The following WNT3 variants were observed in gnomAD, a reference collection of about 807,000 sequenced individuals.
WNT3 encodes the protein Wnt family member 3.
In WNT3, 7 loss-of-function variants were observed where a neutral mutation model predicts 34.2. The ratio of observed to expected loss-of-function variants is 0.20; its 90% CI spans 0.12 to 0.38. The LOEUF is 0.38. WNT3 is among the 10% of genes least tolerant of loss of function. The probability of loss-of-function intolerance (pLI) is 1.00; values close to 1 mark genes in which losing one functional copy is unlikely to be tolerated. For synonymous variants in WNT3, 212 were observed against 211.5 expected (o/e 1.00, Z -0.02); for missense variants, 267 against 499.8 (o/e 0.53, Z 4.44).
Position 46,782,188 on chromosome 17 carries a change from C to T in WNT3, c.81-8279G>A, listed in dbSNP as rs146803513. 8.4e-4 allele frequency among the ~76,000 whole-genome samples: 128 copies of T among 152,288 alleles called. 1 individual carries two copies. The Middle Eastern group carries it at 0.01, about 12-fold the overall frequency. ...CCCTTTGCCCTTACCTTTCTCCATG[C>T]GGAAATCTAACCATCTGTGCCAGCC... On this transcript the variant is annotated intron_variant, in intron 1 of 4. Transcript: ENST00000225512.
At chr17:46,792,014 T>A (rs1033541689) in intron 1 of WNT3, among the ~76,000 whole-genome samples, 1 of 152,254 alleles carries the variant, frequency 6.6e-6, no homozygotes, top group Non-Finnish European at 1.5e-5. Context: ...CACTCCAGCC[T>A]GGGCAACAGA....
In WNT3 at chr17:46,818,643, G is replaced by A. The variant is rs979515174; in HGVS notation, c.-46C>T. ...AAGTTTGCCCGCGACCATGAAGAGGGGGAGCGACGCCCCCAATAGTTGGAA... is the reference window on the plus strand; with the variant it reads ...AAGTTTGCCCGCGACCATGAAGAGGAGGAGCGACGCCCCCAATAGTTGGAA... On this transcript the variant is annotated 5_prime_UTR_variant, in exon 1 of 5. Coordinates refer to ENST00000225512, the MANE Select transcript of WNT3 (RefSeq NM_030753.5). 12 of 1,517,228 alleles carry A rather than the reference G, an allele frequency of 7.9e-6. No individual in the cohort carries two copies. Among genetic ancestry groups the A allele is most frequent in the Non-Finnish European group, 1.1e-5 (12 of 1,111,882 alleles). 94.0% of individuals were successfully genotyped at this position (1,517,228 alleles called of 1,614,324 possible).
intron 1 of WNT3, among the ~76,000 whole-genome samples, chr17:46,799,847 G>A (rs1162483419): frequency 6.6e-6 from 1 of 152,108 alleles, no homozygotes; most frequent in Admixed American, 6.6e-5. Flanking sequence ...AGATTTTTAA[G>A]CAACCACCCA....
chr17:46,782,202 T>C (rs1191004786), intron 1 of WNT3, among the ~76,000 whole-genome samples: 1 of 152,188 alleles, frequency 6.6e-6, no homozygotes, highest in Non-Finnish European at 1.5e-5. Flanking sequence ...AATCTAACCA[T>C]CTGTGCCAGC....
At chr17:46,797,916 C>T (rs1055877914) in intron 1 of WNT3, among the ~76,000 whole-genome samples, 5 of 152,090 alleles carry the variant, frequency 3.3e-5, no homozygotes, top group African/African-American at 1.2e-4. Context: ...GCATTATTAC[C>T]TGGGAAAACC....
intron 1 of WNT3, among the ~76,000 whole-genome samples, chr17:46,793,750 C>A (rs1445409688): frequency 6.6e-6 from 1 of 152,214 alleles, no homozygotes; most frequent in South Asian, 2.1e-4. Flanking sequence ...ACGTTCCCAG[C>A]ACCTTCCAAC....
chr17:46,765,667 G>A (rs998512207), intron 4 of WNT3, among the ~76,000 whole-genome samples: 8 of 152,256 alleles, frequency 5.3e-5, no homozygotes, highest in Admixed American at 4.6e-4. Flanking sequence ...AGTCTCGGCC[G>A]AGCCTGGGCC....
rs1300733626 is a variant in WNT3 at position 46,771,694 on chromosome 17, GGCCGGGCCGCGCCCCCGGCCCCGGC to G, written c.323-1671_323-1647del. ...CCGCGTAGCAACGGGCGGCTCCCGC[GGCCGGGCCGCGCCCCCGGCCCCGGC>G]GCCGGGCCGCGAAATCCCCATTGAA... On this transcript the variant is annotated intron_variant, in intron 2 of 4. Transcript: ENST00000225512. Among the ~76,000 whole-genome samples, 22 of 142,820 alleles carry G rather than the reference GGCCGGGCCGCGCCCCCGGCCCCGGC, an allele frequency of 1.5e-4. No individual in the cohort carries two copies. The East Asian group carries it at 1.9e-3, about 12-fold the overall frequency. The allele number at this position is 142,820 out of a possible 152,430, so 93.7% of individuals were successfully genotyped here.
intron 1 of WNT3, among the ~76,000 whole-genome samples, chr17:46,789,524 C>G (rs149233821): frequency 6.6e-6 from 1 of 152,186 alleles, no homozygotes; most frequent in African/African-American, 2.4e-5. Context: ...CAGGAAGGCC[C>G]CAACCTTCCC....
Position 46,770,133 on chromosome 17 carries a change from G to A in WNT3, c.323-85C>T, listed in dbSNP as rs1304261331. 6 of 1,451,740 alleles carry A rather than the reference G, an allele frequency of 4.1e-6. No individual in the cohort carries two copies. The African/African-American group carries it at 8.5e-5, about 21-fold the overall frequency. 89.9% of individuals were successfully genotyped at this position (1,451,740 alleles called of 1,614,324 possible). On this transcript the variant is annotated intron_variant, in intron 2 of 4. Transcript: ENST00000225512. ...CTCCACCTCCCAGGCCAGGACGTGA[G>A]GGGAACGAGGCCAGGAAGAGTTGAA...
At chr17:46,816,886 C>T (rs915563821) in intron 1 of WNT3, among the ~76,000 whole-genome samples, 2 of 152,198 alleles carry the variant, frequency 1.3e-5, no homozygotes, top group African/African-American at 4.8e-5. Flanking sequence ...TCAGGAATGG[C>T]CGGGTGAGGC....
At position 46,817,318 on chromosome 17, in the gene WNT3, C is replaced by T. The variant is rs114011431; in HGVS notation, c.80+1200G>A. On this transcript the variant is annotated intron_variant, in intron 1 of 4. Coordinates refer to ENST00000225512, the MANE Select transcript of WNT3 (RefSeq NM_030753.5). ...TGGCACTTCTTTCTGACTTTCACCC[C>T]GGGGGCCACAGCCCACTTCTCACTC... Among the ~76,000 whole-genome samples the T allele has an allele frequency of 1.0e-2, 1,523 of 152,312 alleles. 26 individuals are homozygous for T. The highest frequency in any genetic ancestry group is 0.035 in the African/African-American group (1,453 of 41,574).
intron 1 of WNT3, among the ~76,000 whole-genome samples, chr17:46,809,941 G>A (rs1002602180): frequency 5.3e-5 from 8 of 151,862 alleles, no homozygotes; most frequent in South Asian, 4.2e-4. Context: ...GGGGCTCTTA[G>A]GTCCATTCTT....
intron 1 of WNT3, among the ~76,000 whole-genome samples, chr17:46,776,625 C>T (rs1250571693): frequency 6.6e-6 from 1 of 152,188 alleles, no homozygotes; most frequent in East Asian, 1.9e-4. Context: ...GCATCTCCAG[C>T]CCAGCCCTGC....
chr17:46,800,962 G>C (rs2084117287), intron 1 of WNT3, among the ~76,000 whole-genome samples: 1 of 152,232 alleles, frequency 6.6e-6, no homozygotes, highest in Non-Finnish European at 1.5e-5. Context: ...GCACGGAGAA[G>C]TGAGGTGTGC....
intron 1 of WNT3, among the ~76,000 whole-genome samples, chr17:46,787,671 C>T (rs1027685183): frequency 1.1e-4 from 17 of 152,130 alleles, no homozygotes; most frequent in African/African-American, 2.9e-4. Context: ...GATGTAGCCT[C>T]GGCCGGGCGC....
rs1484961045 is a variant in WNT3 at position 46,779,099 on chromosome 17, A to AC, written c.81-5191dup. ...CACACACACACACACACACACACAC[A>AC]CACACCCCAGCCCACTCGGCCTTCC... On this transcript the variant is annotated intron_variant, in intron 1 of 4. Transcript: ENST00000225512. 1.0e-4 allele frequency among the ~76,000 whole-genome samples: 13 copies of AC among 128,644 alleles called. No homozygotes were observed. In the East Asian group the frequency reaches 1.3e-3, roughly 12 times the overall value. 84.4% of individuals were successfully genotyped at this position (128,644 alleles called of 152,430 possible).
At chr17:46,789,960 C>T (rs1411964143) in intron 1 of WNT3, among the ~76,000 whole-genome samples, 1 of 152,196 alleles carries the variant, frequency 6.6e-6, no homozygotes, top group Non-Finnish European at 1.5e-5. Flanking sequence ...CCTCATCCCC[C>T]CACGGCGCTG....
chr17:46,786,703 G>A (rs1778387283), intron 1 of WNT3, among the ~76,000 whole-genome samples: 1 of 152,206 alleles, frequency 6.6e-6, no homozygotes, highest in Admixed American at 6.5e-5. Context: ...GGGGTGCCGT[G>A]CTCTCTGTTA....
Sources: allele counts gnomAD v4.1 joint callset (sites outside exome capture counted in the v4.1 genomes callset), GRCh38; gene constraint gnomAD v4.1.1; transcripts MANE v1.5; gene names NCBI Gene and HGNC (gene_info 2026-07-23, HGNC 2026-07-21).